The following OR56A3 variants were observed in gnomAD, a reference collection of about 807,000 sequenced individuals.
The protein encoded by OR56A3 is olfactory receptor 56A3.
A neutral mutation model predicts 17.5 loss-of-function variants in OR56A3; 23 were observed. The ratio of observed to expected loss-of-function variants is 1.32; its 90% CI spans 0.95 to 1.87. OR56A3 has a LOEUF of 1.87. Ranked by LOEUF, OR56A3 falls within the 40% of genes most tolerant of loss-of-function variation. OR56A3 has a pLI of 0.00. For synonymous variants in OR56A3, 175 were observed against 150.6 expected, an observed-to-expected ratio of 1.16 and a Z score of -1.19; for missense variants, 366 against 380.1, an observed-to-expected ratio of 0.96 and a Z score of 0.31.
the OR56A3 span, among the ~76,000 whole-genome samples, chr11:5,999,003 A>G: frequency 6.6e-6 from 1 of 152,310 alleles, no homozygotes; most frequent in Middle Eastern, 3.4e-3. Context: ...ATAGCCACAT[A>G]TCTTCAATGG....
the OR56A3 span, among the ~76,000 whole-genome samples, chr11:5,975,656 C>T: frequency 7.9e-5 from 12 of 151,932 alleles, no homozygotes; most frequent in East Asian, 3.9e-4. Context: ...TGAGTAGTGC[C>T]GCAATAAACA....
chr11:5,962,280 T>C, the OR56A3 span, among the ~76,000 whole-genome samples: 1 of 152,204 alleles, frequency 6.6e-6, no homozygotes, highest in Non-Finnish European at 1.5e-5. Context: ...TAATGTATTA[T>C]TGAATTCAGT....
At chr11:6,002,639 G>A in the OR56A3 span, 16 of 1,614,094 alleles carry the variant, frequency 9.9e-6, no homozygotes, top group East Asian at 1.3e-4. Context: ...CCATGACCAT[G>A]AACGTGCAGG....
the OR56A3 span, among the ~76,000 whole-genome samples, chr11:6,007,845 A>G: frequency 3.0e-4 from 45 of 152,254 alleles, no homozygotes; most frequent in African/African-American, 1.1e-3. Flanking sequence ...TTTCCTGTGA[A>G]CCTTTCTCAT....
the OR56A3 span, among the ~76,000 whole-genome samples, chr11:5,982,194 G>GT: frequency 1.3e-5 from 2 of 152,194 alleles, no homozygotes; most frequent in South Asian, 4.1e-4. Context: ...TGATGGCATG[G>GT]TGGCAGTGGC....
At chr11:5,967,463 C>T in the OR56A3 span, 15 of 933,442 alleles carry the variant, frequency 1.6e-5, no homozygotes, top group African/African-American at 3.4e-5. Context: ...CTTATTCTCG[C>T]AGTAACAATT....
intron 1 of OR56A3, among the ~76,000 whole-genome samples, chr11:5,944,223 G>A (rs1160914707): frequency 6.6e-6 from 1 of 152,184 alleles, no homozygotes; most frequent in Non-Finnish European, 1.5e-5. Flanking sequence ...AGATTGGAGG[G>A]TGGCAGGTAT....
chr11:5,972,316 A>G, the OR56A3 span, among the ~76,000 whole-genome samples: 1 of 152,014 alleles, frequency 6.6e-6, no homozygotes, highest in Non-Finnish European at 1.5e-5. Flanking sequence ...CTAAATCTTC[A>G]TGCATTCGGT....
chr11:5,958,633 G>A, the OR56A3 span, among the ~76,000 whole-genome samples: 1 of 151,966 alleles, frequency 6.6e-6, no homozygotes, highest in Non-Finnish European at 1.5e-5. Flanking sequence ...TGTTGACTAT[G>A]GCATGACCTC....
chr11:5,974,095 C>T, the OR56A3 span, among the ~76,000 whole-genome samples: 1 of 145,810 alleles, frequency 6.9e-6, no homozygotes, highest in Non-Finnish European at 1.5e-5. Context: ...TATAAATAGT[C>T]TCTTTATTAA....
At chr11:5,967,499 T>A in the OR56A3 span, 1 of 1,249,032 alleles carries the variant, frequency 8.0e-7, no homozygotes, top group Non-Finnish European at 1.1e-6. Context: ...TCATAACAAT[T>A]ATTCTCCAAT....
chr11:5,968,439 C>T, the OR56A3 span: 1 of 1,589,720 alleles, frequency 6.3e-7, no homozygotes, highest in South Asian at 1.1e-5. Flanking sequence ...ACTGGGGAAA[C>T]AAATGAGGAA....
At chr11:5,943,140 C>T (rs1847848895) in intron 1 of OR56A3, among the ~76,000 whole-genome samples, 1 of 152,086 alleles carries the variant, frequency 6.6e-6, no homozygotes, top group South Asian at 2.1e-4. Flanking sequence ...GGGATGAGTA[C>T]TTTATTGATG....
chr11:5,986,445 G>A, the OR56A3 span: 42 of 1,613,814 alleles, frequency 2.6e-5, no homozygotes, highest in South Asian at 3.3e-5. Flanking sequence ...CCACCATTCC[G>A]ATGCGCCCTA....
At chr11:5,966,221 A>C in the OR56A3 span, among the ~76,000 whole-genome samples, 1 of 151,216 alleles carries the variant, frequency 6.6e-6, no homozygotes, top group Non-Finnish European at 1.5e-5. Context: ...AAAAAAAAAA[A>C]AAAAAAACCG....
At chr11:5,996,581 T>C in the OR56A3 span, among the ~76,000 whole-genome samples, 1 of 151,896 alleles carries the variant, frequency 6.6e-6, no homozygotes, top group Non-Finnish European at 1.5e-5. Context: ...CCAAATGTGG[T>C]AATAAGAGCA....
the OR56A3 span, among the ~76,000 whole-genome samples, chr11:6,018,697 A>G: frequency 2.0e-5 from 3 of 152,136 alleles, no homozygotes; most frequent in Admixed American, 1.3e-4. Context: ...AAAAATCAGA[A>G]TAGAACTTTA....
chr11:5,952,508 A>G (rs4474415), downstream of OR56A3, among the ~76,000 whole-genome samples: 136,075 of 151,946 alleles, frequency 0.9, 61,792 homozygotes, highest in East Asian at 0.99. Flanking sequence ...TTACATTATT[A>G]TTGTTTGTTG....
At chr11:5,964,192 G>T in the OR56A3 span, among the ~76,000 whole-genome samples, 2 of 151,864 alleles carry the variant, frequency 1.3e-5, no homozygotes, top group Admixed American at 6.6e-5. Flanking sequence ...TTTTGTATTT[G>T]TTATCACTCA....
Sources: gnomAD v4.1 joint callset for allele counts (sites outside exome capture counted in the v4.1 genomes callset) on GRCh38, gnomAD v4.1.1 for gene constraint, MANE v1.5 for transcripts, NCBI Gene and HGNC (gene_info 2026-07-23, HGNC 2026-07-21) for gene names.